SYNDIG1: variants seen among roughly 807,000 people sequenced by gnomAD.
The protein encoded by SYNDIG1 is synapse differentiation-inducing gene protein 1.
SYNDIG1 carries 9 observed loss-of-function variants against 19.4 expected under a neutral mutation model. The ratio of observed to expected loss-of-function variants is 0.46; its 90% CI spans 0.28 to 0.81. The LOEUF (loss-of-function observed/expected upper bound fraction) is 0.81. Ranked by LOEUF, SYNDIG1 falls within the 30% of genes least tolerant of loss-of-function variation. SYNDIG1 has a pLI of 0.12. For missense variants in SYNDIG1, 311 were observed against 343.3 expected, an observed-to-expected ratio of 0.91 and a Z score of 0.74; for synonymous variants, 141 against 145.9, an observed-to-expected ratio of 0.97 and a Z score of 0.24.
chr20:24,598,802 T>C (rs1268253343), intron 3 of SYNDIG1, among the ~76,000 whole-genome samples: 1 of 152,258 alleles, frequency 6.6e-6, no homozygotes, highest in Non-Finnish European at 1.5e-5. Context: ...ATTGACACTA[T>C]GTAGACCTTT....
intron 3 of SYNDIG1, among the ~76,000 whole-genome samples, chr20:24,601,021 C>A (rs1024806167): frequency 3.3e-5 from 5 of 152,160 alleles, no homozygotes; most frequent in African/African-American, 1.2e-4. Flanking sequence ...GTTAAGTAGG[C>A]TCTTTAGGTA....
At chr20:24,646,258 A>G (rs1013536557) in intron 3 of SYNDIG1, among the ~76,000 whole-genome samples, 2 of 152,178 alleles carry the variant, frequency 1.3e-5, no homozygotes, top group Non-Finnish European at 2.9e-5. Flanking sequence ...GCCTATACAC[A>G]TCAGTGATTT....
chr20:24,540,326 A>C (rs1301526022), intron 1 of SYNDIG1, among the ~76,000 whole-genome samples: 2 of 152,122 alleles, frequency 1.3e-5, no homozygotes, highest in African/African-American at 2.4e-5. Flanking sequence ...AGGGTTTTCT[A>C]TATGTGAGAT....
chr20:24,487,060 G>T (rs1040220717), intron 1 of SYNDIG1, among the ~76,000 whole-genome samples: 1 of 151,860 alleles, frequency 6.6e-6, no homozygotes, highest in African/African-American at 2.4e-5. Flanking sequence ...GGGGGAGAGG[G>T]TCGGTGGATG....
At chr20:24,552,500 T>A (rs529979656) in intron 2 of SYNDIG1, among the ~76,000 whole-genome samples, 1 of 152,090 alleles carries the variant, frequency 6.6e-6, no homozygotes, top group East Asian at 1.9e-4. Flanking sequence ...ATGTTCCCCT[T>A]CCTGTGTCCA....
chr20:24,575,012 G>A (rs750229360), intron 2 of SYNDIG1, among the ~76,000 whole-genome samples: 2 of 152,182 alleles, frequency 1.3e-5, no homozygotes, highest in African/African-American at 2.4e-5. Context: ...CCTGGAGCAC[G>A]GTAGATATTG....
At chr20:24,486,199 T>C (rs1462217933) in intron 1 of SYNDIG1, among the ~76,000 whole-genome samples, 1 of 152,078 alleles carries the variant, frequency 6.6e-6, no homozygotes, top group Non-Finnish European at 1.5e-5. Context: ...AGTCAGTGGT[T>C]TGCTGGTGGG....
chr20:24,530,619 A>C (rs1359492011), intron 1 of SYNDIG1, among the ~76,000 whole-genome samples: 1 of 152,170 alleles, frequency 6.6e-6, no homozygotes, highest in Non-Finnish European at 1.5e-5. Context: ...TACTATTTAC[A>C]CAAAAGGCTT....
At chr20:24,640,335 AAGAG>A (rs1354736490) in intron 3 of SYNDIG1, among the ~76,000 whole-genome samples, 1 of 146,970 alleles carries the variant, frequency 6.8e-6, no homozygotes, top group Admixed American at 7.2e-5. Flanking sequence ...GAAAGAGAGA[AAGAG>A]AGAGACATTG....
intron 3 of SYNDIG1, among the ~76,000 whole-genome samples, chr20:24,593,372 G>T (rs893849303): frequency 6.6e-6 from 1 of 152,182 alleles, no homozygotes. Flanking sequence ...CAAAGGACAT[G>T]ATCTCCTTTT....
intron 3 of SYNDIG1, among the ~76,000 whole-genome samples, chr20:24,610,410 G>A (rs1282131734): frequency 6.6e-6 from 1 of 152,180 alleles, no homozygotes; most frequent in Admixed American, 6.5e-5. Flanking sequence ...ATCACCCGCC[G>A]TGGGCACTCG....
intron 3 of SYNDIG1, 57 bp downstream of exon 3, chr20:24,585,050 G>A: frequency 8.9e-7 from 1 of 1,127,840 alleles, no homozygotes; most frequent in Non-Finnish European, 1.3e-6. Flanking sequence ...GGTGGGGGTG[G>A]GGGCGGCAAT....
chr20:24,573,984 C>A (rs896182225), intron 2 of SYNDIG1, among the ~76,000 whole-genome samples: 41 of 152,178 alleles, frequency 2.7e-4, no homozygotes, highest in Non-Finnish European at 4.9e-4. Context: ...AGAATCTCTG[C>A]CCCCAGGAGA....
intron 2 of SYNDIG1, among the ~76,000 whole-genome samples, chr20:24,583,071 AG>A (rs542273861): frequency 5.6e-4 from 86 of 152,332 alleles, no homozygotes; most frequent in African/African-American, 2.0e-3. Context: ...AGGGAGCCTC[AG>A]GTCTCACTGC....
chr20:24,554,608 A>T (rs576228119), intron 2 of SYNDIG1, among the ~76,000 whole-genome samples: 12 of 152,314 alleles, frequency 7.9e-5, no homozygotes, highest in South Asian at 4.1e-4. Context: ...GGTTACATTT[A>T]TTCATTTGCG....
At chr20:24,630,150 A>G (rs1262720117) in intron 3 of SYNDIG1, among the ~76,000 whole-genome samples, 3 of 152,234 alleles carry the variant, frequency 2.0e-5, no homozygotes, top group Admixed American at 6.5e-5. Context: ...AAAGGCAGAT[A>G]TGCAAAAATC....
intron 2 of SYNDIG1, among the ~76,000 whole-genome samples, chr20:24,575,176 G>A (rs766402155): frequency 2.6e-4 from 40 of 152,204 alleles, no homozygotes; most frequent in African/African-American, 8.4e-4. Flanking sequence ...AGAGCTGAAC[G>A]TTTTTGAAAG....
At chr20:24,549,935 T>C (rs2057671973) in intron 2 of SYNDIG1, among the ~76,000 whole-genome samples, 1 of 152,196 alleles carries the variant, frequency 6.6e-6, no homozygotes, top group African/African-American at 2.4e-5. Context: ...CAGATGTTCC[T>C]CCTCTTCTCC....
chr20:24,539,549 A>G (rs192664635), intron 1 of SYNDIG1, among the ~76,000 whole-genome samples: 16 of 152,244 alleles, frequency 1.1e-4, no homozygotes, highest in Admixed American at 5.2e-4. Context: ...ACTTTGTTCT[A>G]AGTCCAGCCT....
Sources: allele counts gnomAD v4.1 joint callset (sites outside exome capture counted in the v4.1 genomes callset), GRCh38; gene constraint gnomAD v4.1.1; transcripts MANE v1.5; gene names NCBI Gene and HGNC (gene_info 2026-07-23, HGNC 2026-07-21).